WDR91: variants seen among roughly 807,000 people sequenced by gnomAD.
The protein encoded by WDR91 is WD repeat-containing protein 91.
In WDR91, 52 loss-of-function variants were observed where a neutral mutation model predicts 88.4. That is an observed-to-expected ratio of 0.59 (90% CI 0.47 to 0.74). The LOEUF is 0.74. WDR91 is among the 30% of genes least tolerant of loss of function. The pLI is 0.00. For missense variants in WDR91, 824 were observed against 954.5 expected (o/e 0.86, Z 1.80); for synonymous variants, 362 against 389.5 (o/e 0.93, Z 0.83).
In WDR91 at chr7:135,188,436, C is replaced by T. The variant is rs748238344; in HGVS notation, c.1878G>A (p.Gly626=). ...ENTVYSIGED[G]KFIQWNIHKS... is the part of the protein sequence containing the mutation. ...TCTGAATCCTGCAGCCGCCTACCTT[C>T]CCGTCCTCGCCGATGCTGTACACGG... The change falls in exon 13 of 15, where the codon GGG becomes GGA. Residue 626 remains glycine (G), a synonymous_variant. Transcript: ENST00000354475. 2 of 1,613,932 alleles carry T rather than the reference C, an allele frequency of 1.2e-6. No individual in the cohort carries two copies. The highest frequency in any genetic ancestry group is 1.7e-6 in the Non-Finnish European group (2 of 1,179,846).
At chr7:135,194,701 A>T (rs557863532) in intron 9 of WDR91, among the ~76,000 whole-genome samples, 1 of 152,316 alleles carries the variant, frequency 6.6e-6, no homozygotes, top group East Asian at 1.9e-4. Context: ...AACAGGAAGA[A>T]GCCGTGTGTT....
At chr7:135,211,041 T>G in intron 1 of WDR91, 1 of 650,416 alleles carries the variant, frequency 1.5e-6, no homozygotes, top group Non-Finnish European at 2.8e-6. Flanking sequence ...GAATATCTGT[T>G]GCCAAAACGC....
At chr7:135,209,831 C>T in intron 1 of WDR91, 76 bp from the exon 2 acceptor site, 1 of 1,325,110 alleles carries the variant, frequency 7.5e-7, no homozygotes, top group Non-Finnish European at 1.0e-6. Flanking sequence ...AAGCTTTTTC[C>T]TCTTGTCATG....
chr7:135,202,565 T>C (rs1487598557), intron 6 of WDR91, among the ~76,000 whole-genome samples: 1 of 152,230 alleles, frequency 6.6e-6, no homozygotes, highest in Non-Finnish European at 1.5e-5. Flanking sequence ...TCCAATCTCA[T>C]TTCAACCTCA....
At chr7:135,210,260 G>T (rs551019090) in intron 1 of WDR91, among the ~76,000 whole-genome samples, 33 of 152,336 alleles carry the variant, frequency 2.2e-4, no homozygotes, top group Admixed American at 1.8e-3. Context: ...TGAGGCAGGA[G>T]AATCGCTTGA....
intron 9 of WDR91, among the ~76,000 whole-genome samples, chr7:135,194,569 C>T (rs1236134972): frequency 6.6e-6 from 1 of 152,222 alleles, no homozygotes. Flanking sequence ...CAGCCCCTCA[C>T]CAGCGGAAGC....
intron 13 of WDR91, 154 bp downstream of exon 13, chr7:135,188,279 G>A (rs892961977): frequency 2.7e-5 from 16 of 601,126 alleles, no homozygotes; most frequent in Middle Eastern, 3.1e-4. Flanking sequence ...CGCAAAGATT[G>A]TAAGACGAAT....
intron 6 of WDR91, 85 bp from the exon 7 acceptor site, chr7:135,198,236 G>A: frequency 6.7e-7 from 1 of 1,490,770 alleles, no homozygotes; most frequent in South Asian, 1.3e-5. Context: ...GCCCTGGGCG[G>A]GGGGGCGTGG....
Position 135,185,044 on chromosome 7 carries a change from A to AT in WDR91, c.*1106dup, listed in dbSNP as rs1224970127. The AT allele has an allele frequency of 2.0e-5, 3 of 152,016 alleles. No individual in the cohort carries two copies. In the East Asian group the frequency reaches 5.8e-4, roughly 29 times the overall value. 9.4% of individuals were successfully genotyped at this position (152,016 alleles called of 1,614,324 possible). On this transcript the variant is annotated 3_prime_UTR_variant, in exon 15 of 15. Coordinates refer to ENST00000354475, the MANE Select transcript of WDR91 (RefSeq NM_014149.4). ...GCCACCATGCCTGGCTAATTTTGGTATTTTTAGTAGAGATGGGGTTTCACC... is the reference window on the plus strand; with the variant it reads ...GCCACCATGCCTGGCTAATTTTGGTATTTTTTAGTAGAGATGGGGTTTCACC...
At chr7:135,198,268 A>G in intron 6 of WDR91, 117 bp from the exon 7 acceptor site, 1 of 1,256,760 alleles carries the variant, frequency 8.0e-7, no homozygotes, top group Non-Finnish European at 1.1e-6. Context: ...CAGGTGGTTA[A>G]AATGGTGTTG....
intron 13 of WDR91, 131 bp from the exon 14 acceptor site, chr7:135,187,300 A>T: frequency 1.2e-6 from 1 of 859,772 alleles, no homozygotes; most frequent in East Asian, 2.7e-5. Context: ...CAGTGCTGAC[A>T]TCCTTGAAAA....
chr7:135,209,807 C>T, intron 1 of WDR91, 52 bp from the exon 2 acceptor site: 2 of 1,424,588 alleles, frequency 1.4e-6, no homozygotes, highest in Non-Finnish European at 9.3e-7. Flanking sequence ...GGGAATTCTC[C>T]CCTCCATGGA....
intron 4 of WDR91, 98 bp from the exon 5 acceptor site, chr7:135,206,156 G>T: frequency 6.6e-7 from 1 of 1,508,692 alleles, no homozygotes; most frequent in Non-Finnish European, 9.2e-7. Flanking sequence ...CCACTGGTCT[G>T]AGTGCCACTC....
chr7:135,207,198 G>T lies in WDR91; in HGVS notation c.516C>A (p.Val172=). 1 of 1,604,740 alleles carries T rather than the reference G, an allele frequency of 6.2e-7. No homozygotes were observed. The highest frequency in any genetic ancestry group is 1.1e-5 in the South Asian group (1 of 90,900). Residue 172 remains valine, a synonymous_variant, in exon 4 of 15, where the codon GTC becomes GTA. Coordinates refer to ENST00000354475, the MANE Select transcript of WDR91 (RefSeq NM_014149.4). ...FLSVLFQCMP[V]PVILNFDAEC... is the part of the protein sequence containing the mutation. ...CCGCATCAAAGTTCAGGATCACAGG[G>T]ACTGGTGCACGAAGTTAAAGAATAA...
chr7:135,207,420 C>CA, intron 3 of WDR91: 1 of 547,592 alleles, frequency 1.8e-6, no homozygotes, highest in Non-Finnish European at 3.6e-6. Flanking sequence ...GACAGATTCA[C>CA]AGACGCATGA....
At chr7:135,194,758 C>A (rs1385593377) in intron 9 of WDR91, among the ~76,000 whole-genome samples, 176 bp downstream of exon 9, 2 of 152,228 alleles carry the variant, frequency 1.3e-5, no homozygotes, top group Non-Finnish European at 2.9e-5. Flanking sequence ...GGTAACCTCC[C>A]TGTCTTCCCA....
chr7:135,211,107 C>T (rs900283777), intron 1 of WDR91, among the ~76,000 whole-genome samples: 3 of 152,210 alleles, frequency 2.0e-5, no homozygotes, highest in African/African-American at 7.2e-5. Flanking sequence ...GCCAAGGAGG[C>T]TGGAGTGGAG....
intron 9 of WDR91, 145 bp downstream of exon 9, chr7:135,194,789 A>C: frequency 8.9e-7 from 1 of 1,123,680 alleles, no homozygotes; most frequent in South Asian, 1.6e-5. Context: ...CTTCTGGGCC[A>C]GTCCTGGATG....
intron 5 of WDR91, among the ~76,000 whole-genome samples, chr7:135,204,755 G>A (rs1831699895): frequency 6.6e-6 from 1 of 152,178 alleles, no homozygotes; most frequent in African/African-American, 2.4e-5. Flanking sequence ...TGCTAGAGAT[G>A]TAAAATTGAC....
Sources: gnomAD v4.1 joint callset for allele counts (sites outside exome capture counted in the v4.1 genomes callset) on GRCh38, gnomAD v4.1.1 for gene constraint, MANE v1.5 for transcripts, NCBI Gene and HGNC (gene_info 2026-07-23, HGNC 2026-07-21) for gene names.